The following WDFY4 variants were observed in gnomAD, a reference collection of about 807,000 sequenced individuals.
WDFY4 encodes WDFY family member 4, also known as WD repeat- and FYVE domain-containing protein 4.
A neutral mutation model predicts 351.9 loss-of-function variants in WDFY4; 169 were observed. That is an observed-to-expected ratio of 0.48 (90% confidence interval 0.42 to 0.55). WDFY4 has a LOEUF of 0.55. Among genes scored for constraint, WDFY4 ranks in the 20% least tolerant of loss-of-function variants. WDFY4 has a pLI of 0.00. For synonymous variants in WDFY4, 1,622 were observed against 1,574.6 expected, an observed-to-expected ratio of 1.03 and a Z score of -0.71; for missense variants, 3,803 against 3,935.6, an observed-to-expected ratio of 0.97 and a Z score of 0.90.
chr10:48,901,717 C>T, intron 46 of WDFY4, 84 bp from the exon 47 acceptor site: 1 of 1,438,526 alleles, frequency 7.0e-7, no homozygotes, highest in Non-Finnish European at 9.6e-7. Context: ...AGCCTAGCTT[C>T]CTGCCTGACT....
At position 48,796,466 on chromosome 10, in the gene WDFY4, G is replaced by T; in HGVS notation, c.4410+16G>T. The T allele has an allele frequency of 6.5e-7, 1 of 1,548,092 alleles. No homozygotes were observed. Among genetic ancestry groups the T allele is most frequent in the Non-Finnish European group, 8.7e-7 (1 of 1,146,776 alleles). Reference sequence around the variant, plus strand: ...CAATTTCGAGGTAAATCAGAGATTGGCCCTTAGTCCTTCAGGAGTGTGTGT... The same window carrying T: ...CAATTTCGAGGTAAATCAGAGATTGTCCCTTAGTCCTTCAGGAGTGTGTGT... On this transcript the variant is annotated intron_variant, in intron 24 of 61. Transcript: ENST00000325239.
At chr10:48,797,916 T>C (rs2066927743) in intron 24 of WDFY4, among the ~76,000 whole-genome samples, 1 of 152,232 alleles carries the variant, frequency 6.6e-6, no homozygotes, top group African/African-American at 2.4e-5. Context: ...GGTATGTGAC[T>C]TCGGTGACAA....
intron 40 of WDFY4, among the ~76,000 whole-genome samples, chr10:48,870,686 G>A (rs920384565): frequency 1.3e-5 from 2 of 152,136 alleles, no homozygotes; most frequent in Non-Finnish European, 2.9e-5. Flanking sequence ...GCCTTACACT[G>A]TGCAGAAACA....
At chr10:48,894,850 A>T (rs1836991844) in intron 44 of WDFY4, among the ~76,000 whole-genome samples, 1 of 152,132 alleles carries the variant, frequency 6.6e-6, no homozygotes, top group South Asian at 2.1e-4. Flanking sequence ...TAGGAAGGAG[A>T]ATTGTCTCTG....
chr10:48,742,595 G>A (rs1212169593), intron 11 of WDFY4, among the ~76,000 whole-genome samples: 1 of 152,240 alleles, frequency 6.6e-6, no homozygotes, highest in African/African-American at 2.4e-5. Context: ...GGAGAGCTGA[G>A]ACGGTTTTCA....
intron 39 of WDFY4, among the ~76,000 whole-genome samples, chr10:48,865,841 TCTAAG>T (rs1169523176): frequency 6.6e-6 from 1 of 152,242 alleles, no homozygotes; most frequent in Admixed American, 6.5e-5. Flanking sequence ...GTTCATCTAA[TCTAAG>T]CTATTTAATT....
chr10:48,777,934 G>C (rs894293469), intron 17 of WDFY4, among the ~76,000 whole-genome samples: 1 of 152,216 alleles, frequency 6.6e-6, no homozygotes, highest in African/African-American at 2.4e-5. Context: ...ACTGATGTAG[G>C]CTGAGATGGA....
chr10:48,885,752 A>G (rs2070429783), intron 43 of WDFY4, among the ~76,000 whole-genome samples: 1 of 152,152 alleles, frequency 6.6e-6, no homozygotes, highest in Admixed American at 6.5e-5. Context: ...ATAGATAGAT[A>G]GGTAGATAGA....
rs142725550 is a variant in WDFY4 at position 48,870,629 on chromosome 10, G to A, written c.6742-2862G>A. 4.9e-3 allele frequency among the ~76,000 whole-genome samples: 739 copies of A among 152,182 alleles called. 6 individuals carry two copies. The highest frequency in any genetic ancestry group is 0.017 in the African/African-American group (697 of 41,514). On this transcript the variant is annotated intron_variant, in intron 40 of 61. Coordinates refer to ENST00000325239, the MANE Select transcript of WDFY4 (RefSeq NM_001394531.1). ...AGAATCCCTGCCTGTGAGTCTGTGG[G>A]CCTTAAGTGTGGCATTTGGCCCACT...
rs2069943002 is a variant in WDFY4, at chr10:48,875,067, CT to C, written c.6949-18del. 4.1e-6 allele frequency: 6 copies of C among 1,447,312 alleles called. No individual in the cohort carries two copies. In the East Asian group the frequency reaches 1.6e-4, roughly 40 times the overall value. The allele number at this position is 1,447,312 out of a possible 1,614,324, so 89.7% of individuals were successfully genotyped here. On this transcript the variant is annotated intron_variant, in intron 41 of 61. Transcript: ENST00000325239. The stretch of plus-strand genomic sequence containing the variant: ...ATGTAGCATCCAGGATTTAATTTTT[CT>C]TTTCAATGTCCTTATTTCAGGAAAG...
At chr10:48,972,492 TTCTC>T (rs1324602919) in intron 57 of WDFY4, among the ~76,000 whole-genome samples, 2 of 152,248 alleles carry the variant, frequency 1.3e-5, no homozygotes, top group African/African-American at 4.8e-5. Flanking sequence ...TTTTTCTACA[TTCTC>T]TATAATTTAC....
chr10:48,772,869 C>G (rs2132605449), intron 13 of WDFY4, among the ~76,000 whole-genome samples: 1 of 151,240 alleles, frequency 6.6e-6, no homozygotes, highest in Non-Finnish European at 1.5e-5. Context: ...CTACAAAGGA[C>G]ATGAACTCAT....
intron 47 of WDFY4, chr10:48,910,944 C>G (rs545717020): frequency 1.0e-6 from 1 of 982,042 alleles, no homozygotes; most frequent in East Asian, 1.1e-4. Context: ...TTTTGAATAC[C>G]TAAGGAGGGA....
chr10:48,840,447 C>CACACA (rs200382635), intron 39 of WDFY4, among the ~76,000 whole-genome samples: 13 of 148,460 alleles, frequency 8.8e-5, no homozygotes, highest in African/African-American at 2.2e-4. Flanking sequence ...CACACACACA[C>CACACA]CTCTCTCACG....
intron 47 of WDFY4, among the ~76,000 whole-genome samples, chr10:48,936,313 C>T (rs978829638): frequency 4.8e-4 from 73 of 152,008 alleles, no homozygotes; most frequent in African/African-American, 1.6e-3. Flanking sequence ...ATGTAGACAG[C>T]AAATGGATTA....
intron 43 of WDFY4, chr10:48,883,819 C>G (rs2070352415): frequency 6.6e-6 from 1 of 152,228 alleles, no homozygotes; most frequent in African/African-American, 2.4e-5. Flanking sequence ...TAACTCATTT[C>G]TTTGTGTGAA....
chr10:48,928,621 G>A (rs114490633), intron 47 of WDFY4, among the ~76,000 whole-genome samples: 2,480 of 152,240 alleles, frequency 0.016, 38 homozygotes, highest in Admixed American at 0.02. Flanking sequence ...AGGCCCCCTC[G>A]TATCATGCTG....
At chr10:48,942,389 T>TGC in intron 48 of WDFY4, among the ~76,000 whole-genome samples, 1 of 151,986 alleles carries the variant, frequency 6.6e-6, no homozygotes, top group East Asian at 1.9e-4. Flanking sequence ...CGTGTGTGTG[T>TGC]GTGTGCGCGC....
At chr10:48,970,055 A>T (rs1423811065) in intron 56 of WDFY4, 76 bp from the exon 57 acceptor site, 1 of 1,472,852 alleles carries the variant, frequency 6.8e-7, no homozygotes, top group Admixed American at 2.1e-5. Context: ...ACTGGCCCAC[A>T]TACCCCCGTG....
Sources: allele counts gnomAD v4.1 joint callset (sites outside exome capture counted in the v4.1 genomes callset), GRCh38; gene constraint gnomAD v4.1.1; transcripts MANE v1.5; gene names NCBI Gene and HGNC (gene_info 2026-07-23, HGNC 2026-07-21).